The following FRMD7 variants were observed in gnomAD, a reference collection of about 807,000 sequenced individuals.
FRMD7 encodes FERM domain-containing protein 7.
Under a neutral mutation model 44.1 loss-of-function variants are expected in FRMD7, and 14 were observed. The ratio of observed to expected loss-of-function variants is 0.32; its 90% CI spans 0.21 to 0.50. The LOEUF (loss-of-function observed/expected upper bound fraction) is 0.50, where lower values mean the gene tolerates loss of function less well. Ranked by LOEUF, FRMD7 falls within the 20% of genes least tolerant of loss-of-function variation. FRMD7 has a pLI of 0.99. For missense variants in FRMD7, 501 were observed against 522.3 expected (o/e 0.96, Z 0.40); for synonymous variants, 212 against 187.4 (o/e 1.13, Z -1.07).
At chrX:132,104,997 T>C (rs1039488496) in intron 1 of FRMD7, among the ~76,000 whole-genome samples, 2 of 110,620 alleles carry the variant, frequency 1.8e-5, no homozygotes, top group Non-Finnish European at 3.8e-5. Flanking sequence ...TAAGGGGGAG[T>C]CCCCAAAAAT....
chrX:132,082,200 T>C (rs1006402406), intron 9 of FRMD7, among the ~76,000 whole-genome samples, 163 bp downstream of exon 9: 12 of 112,172 alleles, frequency 1.1e-4, no homozygotes, highest in African/African-American at 3.9e-4. Context: ...TTAGAAAACA[T>C]TGACTTAATG....
Position 132,078,717 on chromosome X carries a change from T to C in FRMD7, c.1300A>G (p.Arg434Gly). ...NTEPNPNPDP[R>G]DIFSERSSLS... ...GAACTCCTCTCTGAAAAAATGTCTC[T>C]GGGATCAGGGTTAGGATTGGGCTCA... The change falls in exon 12 of 12, where the codon AGA (arginine) becomes GGA (glycine). Residue 434 changes from arginine (R) to glycine (G), a missense_variant. Physicochemically the swap from Arg to Gly is moderately radical, Grantham distance 125 (BLOSUM62 -2). Transcript: ENST00000298542. 1 of 1,211,150 alleles carries C rather than the reference T, an allele frequency of 8.3e-7. No homozygotes were observed. The highest frequency in any genetic ancestry group is 1.1e-6 in the Non-Finnish European group (1 of 894,929).
chrX:132,077,620 A>G lies in FRMD7; in HGVS notation c.*252T>C. The G allele has an allele frequency of 2.5e-6, 1 of 398,821 alleles. No homozygotes were observed. The highest frequency in any genetic ancestry group is 3.7e-5 in the South Asian group (1 of 26,867). The allele number at this position is 398,821 out of a possible 1,213,427, so 32.9% of individuals were successfully genotyped here. A position where few individuals can be genotyped will look rare whatever the true frequency, so the allele number is the denominator to read the frequency against. On this transcript the variant is annotated 3_prime_UTR_variant, in exon 12 of 12. Coordinates refer to ENST00000298542, the MANE Select transcript of FRMD7 (RefSeq NM_194277.3). ...GAGGAAGTATGCAGTGGAGATGACAAATACCCACCTTGCCTTGCCACAGTG... is the reference window on the plus strand; with the variant it reads ...GAGGAAGTATGCAGTGGAGATGACAGATACCCACCTTGCCTTGCCACAGTG...
At chrX:132,110,157 G>A (rs1928742405) in intron 1 of FRMD7, among the ~76,000 whole-genome samples, 1 of 111,388 alleles carries the variant, frequency 9.0e-6, no homozygotes, top group Non-Finnish European at 1.9e-5. Flanking sequence ...GATATGTGGT[G>A]AGGCCTGAGA....
intron 1 of FRMD7, among the ~76,000 whole-genome samples, chrX:132,113,061 C>T (rs1003203248): frequency 7.2e-5 from 8 of 110,961 alleles, no homozygotes; most frequent in Non-Finnish European, 1.5e-4. Flanking sequence ...TGTCCCCACT[C>T]CTGGGACATT....
At chrX:132,086,636 T>C (rs760983066) in intron 5 of FRMD7, among the ~76,000 whole-genome samples, 1 of 106,489 alleles carries the variant, frequency 9.4e-6, no homozygotes, top group African/African-American at 3.5e-5. Context: ...GGCAGCCATC[T>C]GCTAGCCAAG....
chrX:132,108,220 T>C (rs1928692975), intron 1 of FRMD7, among the ~76,000 whole-genome samples: 1 of 112,089 alleles, frequency 8.9e-6, no homozygotes, highest in South Asian at 3.7e-4. Flanking sequence ...CCCTACAGAC[T>C]GAAAGTAAAT....
chrX:132,092,275 A>G (rs1928200572), intron 5 of FRMD7, among the ~76,000 whole-genome samples: 1 of 112,270 alleles, frequency 8.9e-6, no homozygotes, highest in Admixed American at 9.4e-5. Context: ...TAAACAAAGG[A>G]GACGAGAAGG....
In FRMD7 at chrX:132,085,646, C is replaced by A; in HGVS notation, c.580G>T (p.Ala194Ser). 2 of 1,208,403 alleles carry A rather than the reference C, an allele frequency of 1.7e-6. No homozygotes were observed. The highest frequency in any genetic ancestry group is 2.2e-6 in the Non-Finnish European group (2 of 892,424). ...LDMYGIRPHPASDGEGMQIHL... is the reference protein window; with the variant it reads ...LDMYGIRPHPSSDGEGMQIHL... ...ATCTGCATCCCTTCACCATCACTGG[C>A]GGGGTGAGGCCTGATGCCATACATA... The change falls in exon 7 of 12, where the codon GCC becomes TCC. Residue 194 changes from alanine to serine, a missense_variant. Transcript: ENST00000298542.
At chrX:132,086,594 G>GA (rs1404227354) in intron 5 of FRMD7, among the ~76,000 whole-genome samples, 1 of 103,896 alleles carries the variant, frequency 9.6e-6, no homozygotes, top group African/African-American at 3.6e-5. Flanking sequence ...TGAGTACACA[G>GA]AAAAAAAGAC....
intron 1 of FRMD7, among the ~76,000 whole-genome samples, chrX:132,121,224 C>G (rs1929026658): frequency 8.9e-6 from 1 of 111,761 alleles, no homozygotes; most frequent in Admixed American, 9.5e-5. Flanking sequence ...CAGAAGCCTA[C>G]CATCTAATCA....
intron 4 of FRMD7, among the ~76,000 whole-genome samples, chrX:132,095,406 T>C (rs1229920799): frequency 1.8e-5 from 2 of 111,518 alleles, no homozygotes; most frequent in Non-Finnish European, 3.8e-5. Flanking sequence ...CAATATTTTG[T>C]TTTATAAATT....
intron 1 of FRMD7, among the ~76,000 whole-genome samples, chrX:132,125,878 T>C (rs1172676902): frequency 8.9e-6 from 1 of 111,882 alleles, no homozygotes; most frequent in Non-Finnish European, 1.9e-5. Context: ...TCTGCAATTA[T>C]ATGCTGTGTG....
At chrX:132,086,634 T>C (rs183276550) in intron 5 of FRMD7, among the ~76,000 whole-genome samples, 5 of 105,796 alleles carry the variant, frequency 4.7e-5, no homozygotes, top group African/African-American at 1.8e-4. Context: ...AAGGCAGCCA[T>C]CTGCTAGCCA....
intron 1 of FRMD7, among the ~76,000 whole-genome samples, chrX:132,106,380 C>A (rs1418684495): frequency 9.0e-6 from 1 of 111,634 alleles, no homozygotes; most frequent in East Asian, 2.8e-4. Context: ...ATAATAGATG[C>A]TGGCAAGGTT....
At chrX:132,104,734 T>A (rs1928602013) in intron 1 of FRMD7, among the ~76,000 whole-genome samples, 1 of 111,552 alleles carries the variant, frequency 9.0e-6, no homozygotes, top group African/African-American at 3.3e-5. Context: ...AAACAAAAAA[T>A]TGGCAGATGC....
intron 1 of FRMD7, among the ~76,000 whole-genome samples, chrX:132,119,014 G>GA (rs1288757873): frequency 2.7e-5 from 3 of 110,331 alleles, no homozygotes; most frequent in South Asian, 3.8e-4. Flanking sequence ...TGCTGTGCTA[G>GA]AAAAAAAAAT....
rs1191482998 is a variant in FRMD7, at chrX:132,121,255, A to G, written c.57+6533T>C. ...AATCAATGTCCAGACAGGATTTTGA[A>G]GCCAGACAAAGTGGGGCTTGAATCC... On this transcript the variant is annotated intron_variant, in intron 1 of 11. Coordinates refer to ENST00000298542, the MANE Select transcript of FRMD7 (RefSeq NM_194277.3). 4.5e-5 allele frequency among the ~76,000 whole-genome samples: 5 copies of G among 111,970 alleles called. No individual in the cohort carries two copies. The Admixed American group carries it at 4.8e-4, about 11-fold the overall frequency.
At chrX:132,120,971 G>A (rs1929019900) in intron 1 of FRMD7, among the ~76,000 whole-genome samples, 1 of 112,032 alleles carries the variant, frequency 8.9e-6, no homozygotes, top group African/African-American at 3.2e-5. Flanking sequence ...TATGATTCCA[G>A]GATGATCTTT....
Sources: gnomAD v4.1 joint callset for allele counts (sites outside exome capture counted in the v4.1 genomes callset) on GRCh38, gnomAD v4.1.1 for gene constraint, MANE v1.5 for transcripts, NCBI Gene and HGNC (gene_info 2026-07-23, HGNC 2026-07-21) for gene names.